Variants in APC observed in about 807,000 individuals in gnomAD.
APC encodes APC regulator of Wnt signaling pathway, also known as adenomatous polyposis coli protein.
In APC, 72 loss-of-function variants were observed where a neutral mutation model predicts 247.0. The ratio of observed to expected loss-of-function variants is 0.29; its 90% CI spans 0.24 to 0.35. The LOEUF is 0.35. Among genes scored for constraint, APC ranks in the 10% least tolerant of loss-of-function variants. The pLI, the probability that APC is intolerant of heterozygous loss-of-function variation, is 1.00. For missense variants in APC, 3,400 were observed against 3,360.7 expected, an observed-to-expected ratio of 1.01 and a Z score of -0.29; for synonymous variants, 1,254 against 1,162.5, an observed-to-expected ratio of 1.08 and a Z score of -1.60.
intron 6 of APC, among the ~76,000 whole-genome samples, chr5:112,788,273 C>A (rs191488670): frequency 6.6e-6 from 1 of 152,238 alleles, no homozygotes; most frequent in African/African-American, 2.4e-5. Context: ...TTACTCTTGT[C>A]ATGTAAACTT....
intron 1 of APC, among the ~76,000 whole-genome samples, chr5:112,752,905 A>G (rs1041401375): frequency 8.5e-4 from 129 of 152,240 alleles, no homozygotes; most frequent in African/African-American, 3.1e-3. Flanking sequence ...TCATCTGAAG[A>G]GTTGATTTTT....
intron 14 of APC, among the ~76,000 whole-genome samples, chr5:112,832,364 C>T (rs1231239588): frequency 1.3e-5 from 2 of 152,142 alleles, no homozygotes; most frequent in Non-Finnish European, 2.9e-5. Flanking sequence ...TTGGGCTCAT[C>T]TTGATTGATG....
At chr5:112,763,252 A>T (rs114992488) in intron 2 of APC, among the ~76,000 whole-genome samples, 1,796 of 152,080 alleles carry the variant, frequency 0.012, 49 homozygotes, top group African/African-American at 0.04. Context: ...ATTTTTTTTT[A>T]AATTTAAATC....
Position 112,754,817 on chromosome 5 carries a change from C to A in APC, c.-18-56C>A, listed in dbSNP as rs79234413. ...TTTCCTTTACCCCTTTCTTTAAAAA[C>A]AAGCAGCCACTAAATTTTTTAGTAG... is the stretch of plus-strand genomic sequence containing the variant. On this transcript the variant is annotated intron_variant, in intron 1 of 15. Coordinates refer to ENST00000257430, the MANE Select transcript of APC (RefSeq NM_000038.6). 6.4e-7 allele frequency: 1 copy of A among 1,554,178 alleles called. No individual in the cohort carries two copies. The highest frequency in any genetic ancestry group is 1.1e-5 in the South Asian group (1 of 88,360).
intron 1 of APC, among the ~76,000 whole-genome samples, chr5:112,743,170 T>C (rs1320127682): frequency 1.3e-5 from 2 of 152,240 alleles, no homozygotes; most frequent in African/African-American, 4.8e-5. Flanking sequence ...TCTAAATCTC[T>C]CTCTGAATCT....
rs951500465 is a variant in APC at position 112,707,576 on chromosome 5, G to A, written c.-142G>A. On this transcript the variant is annotated 5_prime_UTR_variant, in exon 1 of 14. Transcript: ENST00000507379. ...GCGGGGTGTGGCCGCCGGAAGCCTA[G>A]CCGCTGCTCGGGGGGGACCTGCGGG... 1 of 869,728 alleles carries A rather than the reference G, an allele frequency of 1.1e-6. No homozygotes were observed. The highest frequency in any genetic ancestry group is 1.6e-6 in the Non-Finnish European group (1 of 610,162). The allele number at this position is 869,728 out of a possible 1,614,324, so 53.9% of individuals were successfully genotyped here.
intron 7 of APC, among the ~76,000 whole-genome samples, chr5:112,795,442 G>A (rs150815797): frequency 7.7e-4 from 118 of 152,296 alleles, no homozygotes; most frequent in African/African-American, 2.7e-3. Context: ...GGCCACATGA[G>A]GATTAAACTC....
intron 10 of APC, among the ~76,000 whole-genome samples, chr5:112,820,898 A>G (rs1327757472): frequency 3.3e-5 from 5 of 152,062 alleles, no homozygotes; most frequent in Middle Eastern, 3.2e-3. Context: ...GTCTCACACA[A>G]GCGCCCAGAC....
At position 112,836,165 on chromosome 5, in the gene APC, TCCC is replaced by T. The variant is rs59050067; in HGVS notation, c.1958+1012_1958+1014del. Among the ~76,000 whole-genome samples, 49 of 24,492 alleles carry T rather than the reference TCCC, an allele frequency of 2.0e-3. 3 individuals are homozygous for T. The highest frequency in any genetic ancestry group is 2.9e-3 in the African/African-American group (28 of 9,574). The allele number at this position is 24,492 out of a possible 152,430, so 16.1% of individuals were successfully genotyped here. A position where few individuals can be genotyped will look rare whatever the true frequency, so the allele number is the denominator to read the frequency against. ...CCTCCCGAGTAGCTGGGATTACAGG[TCCC>T]CCCCCCCCCCCGCCACCGTGCCCGG... On this transcript the variant is annotated intron_variant, in intron 15 of 15. Coordinates refer to ENST00000257430, the MANE Select transcript of APC (RefSeq NM_000038.6).
rs756740976 is a variant in APC at position 112,842,679 on chromosome 5, G to C, written c.7085G>C (p.Gly2362Ala). 6.2e-7 allele frequency: 1 copy of C among 1,613,576 alleles called. No homozygotes were observed. Among genetic ancestry groups the C allele is most frequent in the South Asian group, 1.1e-5 (1 of 91,076 alleles). Reference sequence around the variant, plus strand: ...GCTTCAACTAAGTCCTCAGGTTCTGGAAAAATGTCATATACATCTCCAGGT... The same window carrying C: ...GCTTCAACTAAGTCCTCAGGTTCTGCAAAAATGTCATATACATCTCCAGGT... ...STASTKSSGSGKMSYTSPGRQ... is the reference protein window; with the variant it reads ...STASTKSSGSAKMSYTSPGRQ... Residue 2362 changes from glycine to alanine, a missense_variant, in exon 16 of 16, where the codon GGA (glycine) becomes GCA (alanine). Coordinates refer to ENST00000257430, the MANE Select transcript of APC (RefSeq NM_000038.6).
intron 7 of APC, among the ~76,000 whole-genome samples, chr5:112,799,183 C>CAAAA (rs754181440): frequency 1.0e-4 from 8 of 79,812 alleles, no homozygotes; most frequent in Admixed American, 2.8e-4. Context: ...GACTCTGTCT[C>CAAAA]AAAAAAAAAA....
rs548208495 is a variant in APC, at chr5:112,825,438, A to T, written c.1409-1670A>T. ...TGTGATCCGGCATCTACCCATGTTT[A>T]TAGCCTCATTTTGTGGCCCTCTCCT... On this transcript the variant is annotated intron_variant, in intron 11 of 15. Coordinates refer to ENST00000257430, the MANE Select transcript of APC (RefSeq NM_000038.6). Among the ~76,000 whole-genome samples the T allele has an allele frequency of 2.8e-4, 43 of 152,312 alleles. No homozygotes were observed. The East Asian group carries it at 7.3e-3, about 26-fold the overall frequency.
chr5:112,774,294 T>G (rs1166479601), intron 4 of APC, among the ~76,000 whole-genome samples: 1 of 152,046 alleles, frequency 6.6e-6, no homozygotes. Flanking sequence ...AATCCTAAAG[T>G]TTTTGAGTAA....
chr5:112,827,059 T>C (rs2149807941), intron 11 of APC, 49 bp from the exon 12 acceptor site: 1 of 1,600,470 alleles, frequency 6.2e-7, no homozygotes, highest in African/African-American at 1.3e-5. Flanking sequence ...GGTACCAGTT[T>C]GTTTTATTTT....
intron 1 of APC, among the ~76,000 whole-genome samples, chr5:112,719,076 T>C (rs943166334): frequency 6.6e-6 from 1 of 152,200 alleles, no homozygotes; most frequent in African/African-American, 2.4e-5. Flanking sequence ...TGTAAGCAAA[T>C]AGAATGTAAT....
At chr5:112,752,632 A>G (rs953318371) in intron 1 of APC, among the ~76,000 whole-genome samples, 2 of 152,206 alleles carry the variant, frequency 1.3e-5, no homozygotes, top group Non-Finnish European at 2.9e-5. Flanking sequence ...AAAATGTTTT[A>G]AAGATATATT....
intron 11 of APC, among the ~76,000 whole-genome samples, chr5:112,822,810 T>A (rs538227769): frequency 6.6e-6 from 1 of 152,310 alleles, no homozygotes; most frequent in South Asian, 2.1e-4. Flanking sequence ...AGCCACCACT[T>A]TATATTCCTA....
At chr5:112,783,810 GAAAGA>G (rs1758645769) in intron 6 of APC, 1 of 330,752 alleles carries the variant, frequency 3.0e-6, no homozygotes, top group Non-Finnish European at 5.8e-6. Context: ...GAAAAGAAAA[GAAAGA>G]AAACAGATAA....
At chr5:112,794,154 G>A (rs368935723) in intron 7 of APC, among the ~76,000 whole-genome samples, 24 of 151,968 alleles carry the variant, frequency 1.6e-4, no homozygotes, top group East Asian at 7.7e-4. Context: ...GTGCAGTGGC[G>A]CAATCTCGGC....
Sources: allele counts gnomAD v4.1 joint callset (sites outside exome capture counted in the v4.1 genomes callset), GRCh38; gene constraint gnomAD v4.1.1; transcripts MANE v1.5; gene names NCBI Gene and HGNC (gene_info 2026-07-23, HGNC 2026-07-21).